GPAT3: variants seen among roughly 807,000 people sequenced by gnomAD.
GPAT3 encodes the protein 1-AGP acyltransferase 9.
Under a neutral mutation model 58.8 loss-of-function variants are expected in GPAT3, and 53 were observed. That is an observed-to-expected ratio of 0.90 (90% CI 0.72 to 1.13). GPAT3 has a LOEUF of 1.13. Among genes scored for constraint, GPAT3 ranks in the 50% most tolerant of loss-of-function variants. The pLI is 0.00. For missense variants in GPAT3, 511 were observed against 527.6 expected (o/e 0.97, Z 0.31); for synonymous variants, 197 against 187.4 (o/e 1.05, Z -0.42).
At chr4:83,594,299 G>A (rs1201701303) in intron 6 of GPAT3, among the ~76,000 whole-genome samples, 1 of 152,156 alleles carries the variant, frequency 6.6e-6, no homozygotes, top group Non-Finnish European at 1.5e-5. Flanking sequence ...TAATGCTGTA[G>A]TTAATAGCCT....
At chr4:83,587,184 A>T in intron 3 of GPAT3, 71 bp from the exon 4 acceptor site, 1 of 1,217,032 alleles carries the variant, frequency 8.2e-7, no homozygotes, top group Non-Finnish European at 1.2e-6. Context: ...CAATTTTATT[A>T]TTTAGGAACT....
At chr4:83,570,530 C>A (rs1226499474) in intron 2 of GPAT3, among the ~76,000 whole-genome samples, 1 of 143,692 alleles carries the variant, frequency 7.0e-6, no homozygotes. Flanking sequence ...TGGAGTGCAG[C>A]GGCACGATCT....
At chr4:83,552,297 G>A (rs942599921) in intron 2 of GPAT3, among the ~76,000 whole-genome samples, 16 of 152,200 alleles carry the variant, frequency 1.1e-4, no homozygotes, top group East Asian at 5.8e-4. Context: ...ACTCCCATTC[G>A]TGACAACCAA....
intron 2 of GPAT3, among the ~76,000 whole-genome samples, chr4:83,546,556 C>A (rs1276786447): frequency 6.6e-6 from 1 of 152,022 alleles, no homozygotes; most frequent in Non-Finnish European, 1.5e-5. Context: ...AAATAGAAAT[C>A]ATAGTATTTT....
rs561972057 is a variant in GPAT3, at chr4:83,574,624, A to ATTTTTTTTT, written c.209-6893_209-6885dup. On this transcript the variant is annotated intron_variant, in intron 2 of 11. Transcript: ENST00000264409. ...AAAGCTGACTTGTAAAGTAAAATGA[A>ATTTTTTTTT]TTTTTTTTTTTTTTTTTTTTTTTTT... Among the ~76,000 whole-genome samples, 53 of 55,578 alleles carry ATTTTTTTTT rather than the reference A, an allele frequency of 9.5e-4. 2 individuals are homozygous for ATTTTTTTTT. Among genetic ancestry groups the ATTTTTTTTT allele is most frequent in the Non-Finnish European group, 1.3e-3 (38 of 28,568 alleles). 36.5% of individuals were successfully genotyped at this position (55,578 alleles called of 152,430 possible).
At position 83,590,247 on chromosome 4, in the gene GPAT3, C is replaced by A. The variant is rs1422044954; in HGVS notation, c.693C>A (p.Ser231=). 6 of 1,613,762 alleles carry A rather than the reference C, an allele frequency of 3.7e-6. No individual in the cohort carries two copies. In the Admixed American group the frequency reaches 1.0e-4, roughly 27 times the overall value. Reference sequence around the variant, plus strand: ...GCATTTGTGTTGCCAACCATACTTCCCCCATTGATGTTTTAATCTTGACAA... The same window carrying A: ...GCATTTGTGTTGCCAACCATACTTCACCCATTGATGTTTTAATCTTGACAA... ...KGGICVANHT[S]PIDVLILTTD... The change falls in exon 6 of 12, where the codon TCC becomes TCA. Residue 231 remains serine, a synonymous_variant. Transcript: ENST00000264409.
rs1190403622 is a variant in GPAT3, at chr4:83,587,235, C to T, written c.480-20C>T. 1.9e-6 allele frequency: 3 copies of T among 1,605,036 alleles called. No homozygotes were observed. Among genetic ancestry groups the T allele is most frequent in the Middle Eastern group, 1.7e-4 (1 of 6,036 alleles). On this transcript the variant is annotated intron_variant, in intron 3 of 11. Transcript: ENST00000264409. Reference sequence around the variant, plus strand: ...TGCTATGTGTCAAAATCTTATATGGCCCTCTCTTTTCTTTTTCAGGGTTAC... The same window carrying T: ...TGCTATGTGTCAAAATCTTATATGGTCCTCTCTTTTCTTTTTCAGGGTTAC...
intron 2 of GPAT3, among the ~76,000 whole-genome samples, chr4:83,548,909 A>G (rs1724642346): frequency 6.6e-6 from 1 of 152,206 alleles, no homozygotes; most frequent in Non-Finnish European, 1.5e-5. Flanking sequence ...GTTGCCTAAC[A>G]TGGCCCTCTA....
intron 2 of GPAT3, among the ~76,000 whole-genome samples, chr4:83,544,827 T>A (rs1724446577): frequency 6.6e-6 from 1 of 152,110 alleles, no homozygotes; most frequent in Non-Finnish European, 1.5e-5. Flanking sequence ...GGTATTGTTT[T>A]CCTTTCTAAG....
chr4:83,590,087 G>GA (rs111907426), intron 5 of GPAT3, 112 bp from the exon 6 acceptor site: 9,058 of 876,020 alleles, frequency 0.01, 2 homozygotes, highest in South Asian at 0.019. Flanking sequence ...AGTGAGACGC[G>GA]AAAAAAAAAA....
At chr4:83,556,350 T>C (rs1171502176) in intron 2 of GPAT3, among the ~76,000 whole-genome samples, 1 of 152,122 alleles carries the variant, frequency 6.6e-6, no homozygotes, top group Admixed American at 6.5e-5. Context: ...TACAAAAAAA[T>C]AGCCGGATAT....
At chr4:83,568,988 A>T (rs1168400905) in intron 2 of GPAT3, among the ~76,000 whole-genome samples, 2 of 152,188 alleles carry the variant, frequency 1.3e-5, no homozygotes, top group Admixed American at 1.3e-4. Flanking sequence ...AAGTGGAAAG[A>T]TGTTATGTGT....
intron 11 of GPAT3, among the ~76,000 whole-genome samples, chr4:83,599,800 G>C (rs1173885571): frequency 6.6e-6 from 1 of 152,106 alleles, no homozygotes; most frequent in African/African-American, 2.4e-5. Context: ...GATAATGGGG[G>C]ATATGTTCCA....
intron 2 of GPAT3, among the ~76,000 whole-genome samples, chr4:83,567,370 G>A (rs9307827): frequency 0.05 from 7,637 of 152,218 alleles, 629 homozygotes; most frequent in African/African-American, 0.17. Context: ...GAATTTTCAT[G>A]CTTTTAAGGC....
chr4:83,536,461 C>G lies in GPAT3; in HGVS notation c.-162C>G, dbSNP rs954739496. On this transcript the variant is annotated 5_prime_UTR_variant, in exon 1 of 12. Coordinates refer to ENST00000264409, the MANE Select transcript of GPAT3 (RefSeq NM_032717.5). ...CCCAGGGAGGAAGGAAGGATATTGC[C>G]GTAATTCTGAAAGTTTTTTTCCTTC... 4.1e-5 allele frequency: 59 copies of G among 1,442,066 alleles called. No homozygotes were observed. Among genetic ancestry groups the G allele is most frequent in the Non-Finnish European group, 4.9e-5 (54 of 1,104,200 alleles). 89.3% of individuals were successfully genotyped at this position (1,442,066 alleles called of 1,614,324 possible). A position where few individuals can be genotyped will look rare whatever the true frequency, so the allele number is the denominator to read the frequency against.
chr4:83,585,807 G>T (rs1026108952), intron 3 of GPAT3, among the ~76,000 whole-genome samples: 5 of 152,148 alleles, frequency 3.3e-5, no homozygotes, highest in African/African-American at 1.2e-4. Flanking sequence ...GGCTGGTCTC[G>T]AACTCCCCAC....
chr4:83,549,439 T>A (rs2110074691), intron 2 of GPAT3, among the ~76,000 whole-genome samples: 1 of 129,366 alleles, frequency 7.7e-6, no homozygotes, highest in East Asian at 2.3e-4. Context: ...TTCTTTTTTA[T>A]TTTGCGTGTG....
intron 2 of GPAT3, among the ~76,000 whole-genome samples, chr4:83,566,205 C>G (rs958802572): frequency 2.6e-5 from 4 of 151,982 alleles, no homozygotes; most frequent in African/African-American, 9.7e-5. Flanking sequence ...CTCTTTCCCA[C>G]ATTTTTGTAT....
chr4:83,576,930 GTACT>G lies in GPAT3; in HGVS notation c.209-4625_209-4622del, dbSNP rs530786646. Among the ~76,000 whole-genome samples, 9 of 152,184 alleles carry G rather than the reference GTACT, an allele frequency of 5.9e-5. No homozygotes were observed. The East Asian group carries it at 7.7e-4, about 13-fold the overall frequency. On this transcript the variant is annotated intron_variant, in intron 2 of 11. Transcript: ENST00000264409. ...CTTTATAGATGCTTGTACATAATAA[GTACT>G]TACTTATTAATCATAAAGAGAAAAA...
Sources: allele counts gnomAD v4.1 joint callset (sites outside exome capture counted in the v4.1 genomes callset), GRCh38; gene constraint gnomAD v4.1.1; transcripts MANE v1.5; gene names NCBI Gene and HGNC (gene_info 2026-07-23, HGNC 2026-07-21).